Variants in GOLGA1 observed in about 807,000 individuals in gnomAD.
GOLGA1 encodes the protein golgin subfamily A member 1.
In GOLGA1, 63 loss-of-function variants were observed where a neutral mutation model predicts 119.7. The ratio of observed to expected loss-of-function variants is 0.53; its 90% CI spans 0.43 to 0.65. The LOEUF (loss-of-function observed/expected upper bound fraction) is 0.65. Among genes scored for constraint, GOLGA1 ranks in the 30% least tolerant of loss-of-function variants. GOLGA1 has a pLI of 0.00. For synonymous variants in GOLGA1, 318 were observed against 333.4 expected (o/e 0.95, Z 0.50); for missense variants, 798 against 912.8 (o/e 0.87, Z 1.62).
rs1381000517 is a variant in GOLGA1, at chr9:124,880,540, G to C, written c.2294C>G (p.Pro765Arg). ...CTTGGGTAGTCCCCTCTAGGACCAT[G>C]GTATCCGAGGGTTTGAGATAGACGG... ...IRPSISNPRI[P>R]WS Residue 765 changes from proline to arginine, a missense_variant, in exon 23 of 23, where the codon CCA becomes CGA. Transcript: ENST00000373555. The C allele has an allele frequency of 6.3e-7, 1 of 1,596,252 alleles. No individual in the cohort carries two copies. The highest frequency in any genetic ancestry group is 1.7e-5 in the Admixed American group (1 of 59,986).
intron 3 of GOLGA1, among the ~76,000 whole-genome samples, chr9:124,936,430 T>C (rs1830870936): frequency 6.6e-6 from 1 of 152,052 alleles, no homozygotes; most frequent in Non-Finnish European, 1.5e-5. Context: ...TTTCAAATGC[T>C]GGGATCTTTT....
upstream of GOLGA1, chr9:124,941,110 A>G (rs1831010785): frequency 6.8e-6 from 1 of 147,230 alleles, no homozygotes; most frequent in South Asian, 2.1e-4. Flanking sequence ...GCCGGAAGTG[A>G]CTGCGCGGTG....
intron 19 of GOLGA1, among the ~76,000 whole-genome samples, chr9:124,885,650 A>G (rs2131366558): frequency 6.6e-6 from 1 of 152,104 alleles, no homozygotes; most frequent in East Asian, 1.9e-4. Context: ...GCACTTCCAA[A>G]CGGAAGGCTC....
chr9:124,911,083 G>C (rs554271593), intron 11 of GOLGA1, among the ~76,000 whole-genome samples: 5 of 152,310 alleles, frequency 3.3e-5, no homozygotes, highest in African/African-American at 1.2e-4. Context: ...CTGTTGAAGG[G>C]AATTGTAGAA....
chr9:124,907,693 A>T (rs545050769), intron 12 of GOLGA1, among the ~76,000 whole-genome samples: 1 of 152,252 alleles, frequency 6.6e-6, no homozygotes, highest in South Asian at 2.1e-4. Flanking sequence ...TAACAGGCAC[A>T]TGAAGACAAG....
intron 7 of GOLGA1, among the ~76,000 whole-genome samples, chr9:124,925,449 G>C (rs1830655711): frequency 6.6e-6 from 1 of 151,252 alleles, no homozygotes; most frequent in Non-Finnish European, 1.5e-5. Context: ...AGGCACAGTG[G>C]CTCACGACTG....
intron 8 of GOLGA1, among the ~76,000 whole-genome samples, chr9:124,922,227 CAA>C (rs1023259026): frequency 2.4e-5 from 3 of 124,482 alleles, no homozygotes; most frequent in Non-Finnish European, 3.4e-5. Flanking sequence ...GGCTCCATCT[CAA>C]AAAAAAAAAA....
At position 124,888,069 on chromosome 9, in the gene GOLGA1, GT is replaced by G. The variant is rs1041457200; in HGVS notation, c.1905+183del. Among the ~76,000 whole-genome samples the G allele has an allele frequency of 3.3e-5, 5 of 152,180 alleles. No individual in the cohort carries two copies. Among genetic ancestry groups the G allele is most frequent in the Admixed American group, 2.0e-4 (3 of 15,284 alleles). ...GGTGGGGAGAAGAGGGCTGGGGAGGGTGTGGAGGAGGACAGTGCAGGAGGAA... is the reference window on the plus strand; with the variant it reads ...GGTGGGGAGAAGAGGGCTGGGGAGGGGTGGAGGAGGACAGTGCAGGAGGAA... On this transcript the variant is annotated intron_variant, in intron 19 of 22. Transcript: ENST00000373555. This position sits in a 1 kb window ranked among gnomAD's most constrained non-coding sequence, Gnocchi z 4.4.
In GOLGA1 at chr9:124,882,955, ACTTAGGCGAGGACTTACGGTT is replaced by A. The variant is rs1829625697; in HGVS notation, c.1906-407_1906-387del. The stretch of plus-strand genomic sequence containing the variant: ...TTATGCTGTGATCCCCAAGTAGGAT[ACTTAGGCGAGGACTTACGGTT>A]CTCATCACTACTGCTCTCTTGAAAT... On this transcript the variant is annotated intron_variant, in intron 19 of 22. Transcript: ENST00000373555. Among the ~76,000 whole-genome samples, 3 of 152,328 alleles carry A rather than the reference ACTTAGGCGAGGACTTACGGTT, an allele frequency of 2.0e-5. No homozygotes were observed. The South Asian group carries it at 6.2e-4, about 32-fold the overall frequency.
At position 124,888,338 on chromosome 9, in the gene GOLGA1, G is replaced by A. The variant is rs1829772782; in HGVS notation, c.1820C>T (p.Pro607Leu). Residue 607 changes from proline (P) to leucine (L), a missense_variant, in exon 19 of 23, where the codon CCA (proline) becomes CTA (leucine). Pro to Leu is a moderately conservative substitution (Grantham distance 98, BLOSUM62 -3). Coordinates refer to ENST00000373555, the MANE Select transcript of GOLGA1 (RefSeq NM_002077.4). This position sits in a 1 kb window ranked among gnomAD's most constrained non-coding sequence, Gnocchi z 4.4. ...VFQLPTAGRT[P>L]NGEVGAMDLT... is the part of the protein sequence containing the mutation. ...ATCCATGGCCCCAACCTCACCATTT[G>A]GTGTTCTTCCTGCAGTTGGAAGCTG... The A allele has an allele frequency of 1.9e-6, 3 of 1,613,502 alleles. No homozygotes were observed. In the African/African-American group the frequency reaches 4.0e-5, roughly 22 times the overall value.
rs1299932055 is a variant in GOLGA1, at chr9:124,931,346, G to T, written c.196C>A (p.Gln66Lys). Reference protein sequence around the residue: ...LSSQLLRRNEQIRKLEARLSD... With the variant: ...LSSQLLRRNEKIRKLEARLSD... ...AGTCTGGCCTCTAACTTCCGTATCT[G>T]TTCATTCCTTCTCAGAAGCTGGGAT... Residue 66 changes from glutamine (Q) to lysine (K), a missense_variant, in exon 4 of 23, where the codon CAG becomes AAG. By Grantham distance (53) the Gln-to-Lys change is moderately conservative. Transcript: ENST00000373555. 1 of 1,590,402 alleles carries T rather than the reference G, an allele frequency of 6.3e-7. No individual in the cohort carries two copies. The highest frequency in any genetic ancestry group is 1.3e-5 in the African/African-American group (1 of 74,546).
At chr9:124,928,401 T>C in intron 5 of GOLGA1, 116 bp from the exon 6 acceptor site, 2 of 533,406 alleles carry the variant, frequency 3.7e-6, no homozygotes, top group South Asian at 5.3e-5. Flanking sequence ...CATAAGTGGA[T>C]TGTGATACTA....
rs1280530953 is a variant in GOLGA1 at position 124,889,548 on chromosome 9, A to G, written c.1498-12T>C. On this transcript the variant is annotated splice_polypyrimidine_tract_variant and intron_variant, in intron 16 of 22. Coordinates refer to ENST00000373555, the MANE Select transcript of GOLGA1 (RefSeq NM_002077.4). Reference sequence around the variant, plus strand: ...GTCAGGTTAGCTGCCTTGGAGAGAAAAATCAACAAGAGGGAAGGTTGTGAG... The same window carrying G: ...GTCAGGTTAGCTGCCTTGGAGAGAAGAATCAACAAGAGGGAAGGTTGTGAG... The G allele has an allele frequency of 8.3e-6, 13 of 1,562,062 alleles. 1 individual carries two copies. In the East Asian group the frequency reaches 2.7e-4, roughly 32 times the overall value.
At chr9:124,890,093 A>G (rs1223517135) in intron 16 of GOLGA1, among the ~76,000 whole-genome samples, 4 of 152,182 alleles carry the variant, frequency 2.6e-5, no homozygotes, top group African/African-American at 9.7e-5. Context: ...GGGCAATGAT[A>G]GGTCACCTCA....
chr9:124,928,788 T>C (rs1188515482), intron 5 of GOLGA1, among the ~76,000 whole-genome samples: 2 of 152,184 alleles, frequency 1.3e-5, no homozygotes, highest in Non-Finnish European at 2.9e-5. Context: ...AAAGAATATA[T>C]GATTGAGGGT....
chr9:124,896,931 CA>C (rs796240730), intron 15 of GOLGA1, among the ~76,000 whole-genome samples: 2,619 of 143,156 alleles, frequency 0.018, 74 homozygotes, highest in African/African-American at 0.062. Context: ...GACCCTGTCT[CA>C]AAAAAAAAAA....
At chr9:124,887,118 G>C (rs1027070742) in intron 19 of GOLGA1, among the ~76,000 whole-genome samples, 8 of 152,230 alleles carry the variant, frequency 5.3e-5, no homozygotes, top group Non-Finnish European at 7.3e-5. Context: ...CGGGAAGGCA[G>C]TGATCCCGTG....
At chr9:124,882,452 G>C (rs1829611628) in intron 20 of GOLGA1, 58 bp downstream of exon 20, 5 of 1,291,994 alleles carry the variant, frequency 3.9e-6, no homozygotes, top group Non-Finnish European at 5.6e-6. Context: ...AGGAGGACCG[G>C]GCACAGGCAG....
intron 16 of GOLGA1, among the ~76,000 whole-genome samples, chr9:124,889,852 C>G (rs572155547): frequency 2.6e-5 from 4 of 152,334 alleles, no homozygotes; most frequent in Non-Finnish European, 5.9e-5. Context: ...ATCCCCAGCA[C>G]TAGACACGCA....
Sources: allele counts gnomAD v4.1 joint callset (sites outside exome capture counted in the v4.1 genomes callset), GRCh38; gene constraint gnomAD v4.1.1; non-coding constraint Gnocchi (gnomAD v3.1); transcripts MANE v1.5; gene names NCBI Gene and HGNC (gene_info 2026-07-23, HGNC 2026-07-21).